CFAP74: variants seen among roughly 807,000 people sequenced by gnomAD.
CFAP74 encodes the protein cilia- and flagella-associated protein 74.
In CFAP74, 124 loss-of-function variants were observed where a neutral mutation model predicts 188.9. The observed-to-expected ratio is 0.66, with a 90% CI of 0.57 to 0.76. CFAP74 has a LOEUF of 0.76. Among genes scored for constraint, CFAP74 ranks in the 30% least tolerant of loss-of-function variants. The probability of loss-of-function intolerance (pLI) is 0.00; values close to 1 mark genes in which losing one functional copy is unlikely to be tolerated. For synonymous variants in CFAP74, 956 were observed against 916.7 expected (o/e 1.04, Z -0.77); for missense variants, 2,198 against 2,165.2 (o/e 1.02, Z -0.30).
intron 6 of CFAP74, among the ~76,000 whole-genome samples, chr1:1,976,635 C>T (rs536435755): frequency 3.0e-4 from 45 of 152,320 alleles, no homozygotes; most frequent in African/African-American, 1.1e-3. Context: ...CTCCACCTCC[C>T]GGGTTCAAGC....
chr1:1,970,766 C>A lies in CFAP74; in HGVS notation c.939G>T (p.Ala313=). Residue 313 remains alanine, a synonymous_variant, in exon 10 of 39, where the codon GCG becomes GCT. Transcript: ENST00000682832. ...TCTTCTCAGCCTGGACCCTCTGCTC[C>A]GCCAGCTCTGCCTTGGCACGGTCCC... is the stretch of plus-strand genomic sequence containing the variant. ...QAWDRAKAEL[A]EQRVQAEKKA... is the part of the protein sequence containing the mutation. 9 of 1,614,186 alleles carry A rather than the reference C, an allele frequency of 5.6e-6. No homozygotes were observed. The highest frequency in any genetic ancestry group is 7.6e-6 in the Non-Finnish European group (9 of 1,180,016).
intron 18 of CFAP74, chr1:1,954,765 A>ACAGT (rs1558020844): frequency 9.3e-7 from 1 of 1,077,414 alleles, no homozygotes; most frequent in Non-Finnish European, 1.1e-6. Context: ...CCTAGGCGAC[A>ACAGT]GAGACCCTGT....
chr1:1,945,214 G>A (rs915138867), intron 20 of CFAP74, among the ~76,000 whole-genome samples: 2 of 152,114 alleles, frequency 1.3e-5, no homozygotes, highest in Admixed American at 6.6e-5. Context: ...GGCTGAGGTG[G>A]GAGAATCGCT....
At chr1:1,925,075 G>GAGGCATGAGGGCACACACTGGTGCGA (rs1187023273) in intron 33 of CFAP74, among the ~76,000 whole-genome samples, 1 of 142,886 alleles carries the variant, frequency 7.0e-6, no homozygotes, top group Non-Finnish European at 1.5e-5. Context: ...CACTGGTGCG[G>GAGGCATGAGGGCACACACTGGTGCGA]AGGCATGAGG....
intron 20 of CFAP74, among the ~76,000 whole-genome samples, chr1:1,945,478 C>A (rs1253535044): frequency 6.6e-6 from 1 of 152,134 alleles, no homozygotes; most frequent in Non-Finnish European, 1.5e-5. Flanking sequence ...GGACAGGCAA[C>A]CGCCCCAGCC....
Position 1,980,860 on chromosome 1 carries a change from G to A in CFAP74, c.500+4526C>T, listed in dbSNP as rs117730672. On this transcript the variant is annotated intron_variant, in intron 6 of 38. Coordinates refer to ENST00000682832, the MANE Select transcript of CFAP74 (RefSeq NM_001304360.2). ...TCAGAAACCGAGACCCTCAGAAACC[G>A]AGACCATCACGCCTGCTGCCTTAGG... is the stretch of plus-strand genomic sequence containing the variant. Among the ~76,000 whole-genome samples the A allele has an allele frequency of 2.2e-4, 34 of 152,328 alleles. No homozygotes were observed. In the East Asian group the frequency reaches 5.4e-3, roughly 24 times the overall value.
intron 14 of CFAP74, among the ~76,000 whole-genome samples, chr1:1,963,098 A>C (rs1053628042): frequency 1.3e-5 from 2 of 152,160 alleles, no homozygotes; most frequent in African/African-American, 4.8e-5. Context: ...CACTGAAAAC[A>C]CTGGCTAATT....
chr1:1,999,017 T>C (rs1322916899), intron 1 of CFAP74, among the ~76,000 whole-genome samples: 1 of 152,152 alleles, frequency 6.6e-6, no homozygotes, highest in Non-Finnish European at 1.5e-5. Context: ...AAAACCCCTA[T>C]CCAAATCCCA....
Position 1,926,377 on chromosome 1 carries a change from G to A in CFAP74, c.3829-30C>T, listed in dbSNP as rs1410929214. ...GGGTCCACGTCAAGGAGGGGATACAGGTGTCTGCAGGCTCTACCACGCCCT... is the reference window on the plus strand; with the variant it reads ...GGGTCCACGTCAAGGAGGGGATACAAGTGTCTGCAGGCTCTACCACGCCCT... On this transcript the variant is annotated intron_variant, in intron 31 of 38. Coordinates refer to ENST00000682832, the MANE Select transcript of CFAP74 (RefSeq NM_001304360.2). 51 of 1,549,982 alleles carry A rather than the reference G, an allele frequency of 3.3e-5. No individual in the cohort carries two copies. In the Middle Eastern group the frequency reaches 6.7e-4, roughly 20 times the overall value.
In CFAP74 at chr1:1,971,244, C is replaced by G. The variant is rs774128379; in HGVS notation, c.889-428G>C. ...ACGCGTGCACGCCTGCACACACATG[C>G]ACACACTCACGCATGCACACACATG... is the stretch of plus-strand genomic sequence containing the variant. On this transcript the variant is annotated intron_variant, in intron 9 of 38. Coordinates refer to ENST00000682832, the MANE Select transcript of CFAP74 (RefSeq NM_001304360.2). Among the ~76,000 whole-genome samples, 4 of 148,418 alleles carry G rather than the reference C, an allele frequency of 2.7e-5. No individual in the cohort carries two copies. The South Asian group carries it at 8.6e-4, about 32-fold the overall frequency.
At chr1:1,969,573 C>G (rs1020410404) in intron 10 of CFAP74, among the ~76,000 whole-genome samples, 3 of 152,240 alleles carry the variant, frequency 2.0e-5, no homozygotes, top group Admixed American at 2.0e-4. Flanking sequence ...TGGCGTGGGG[C>G]TGCCACTGAG....
At chr1:1,966,288 C>G in intron 12 of CFAP74, 83 bp downstream of exon 12, 2 of 1,304,162 alleles carry the variant, frequency 1.5e-6, no homozygotes, top group Non-Finnish European at 2.0e-6. Flanking sequence ...GCTGGTGTGG[C>G]CGGGGCAGGC....
intron 25 of CFAP74, among the ~76,000 whole-genome samples, chr1:1,935,137 G>C (rs1159058881): frequency 1.1e-5 from 1 of 89,226 alleles, no homozygotes; most frequent in South Asian, 5.0e-4. Flanking sequence ...ACACACGTGT[G>C]TACGTGGGTG....
At chr1:1,986,838 G>T in intron 5 of CFAP74, 99 bp downstream of exon 5, 1 of 1,003,352 alleles carries the variant, frequency 1.0e-6, no homozygotes, top group Non-Finnish European at 1.5e-6. Context: ...TCATTGGCCT[G>T]AACACAGCAG....
At chr1:1,926,813 C>G (rs1477127896) in intron 29 of CFAP74, 52 bp from the exon 30 acceptor site, 4 of 1,548,608 alleles carry the variant, frequency 2.6e-6, no homozygotes, top group Admixed American at 2.0e-5. Flanking sequence ...CCTGCCCGCC[C>G]AGGCCCCAGA....
intron 6 of CFAP74, among the ~76,000 whole-genome samples, chr1:1,979,726 T>C (rs117261971): frequency 6.1e-4 from 41 of 66,994 alleles, no homozygotes; most frequent in Admixed American, 7.2e-4. Flanking sequence ...CTGAGCTGGG[T>C]GTGGGAAGGC....
Position 1,946,304 on chromosome 1 carries a change from C to A in CFAP74, c.2364+13G>T. ...CCAGGGTGTGTGCGTGGCGTGGCAG[C>A]AGGAATACTCACCGTGGGGCACTGG... On this transcript the variant is annotated intron_variant, in intron 20 of 38. Coordinates refer to ENST00000682832, the MANE Select transcript of CFAP74 (RefSeq NM_001304360.2). 1 of 1,531,306 alleles carries A rather than the reference C, an allele frequency of 6.5e-7. No individual in the cohort carries two copies. Among genetic ancestry groups the A allele is most frequent in the Non-Finnish European group, 8.7e-7 (1 of 1,143,714 alleles). The allele number at this position is 1,531,306 out of a possible 1,614,324, so 94.9% of individuals were successfully genotyped here. A position where few individuals can be genotyped will look rare whatever the true frequency, so the allele number is the denominator to read the frequency against.
chr1:1,988,537 G>A lies in CFAP74; in HGVS notation c.271C>T (p.Gln91Ter), dbSNP rs1288575699. 1.5e-5 allele frequency: 24 copies of A among 1,612,922 alleles called. No homozygotes were observed. In the Admixed American group the frequency reaches 3.3e-4, roughly 22 times the overall value. The stretch of plus-strand genomic sequence containing the variant: ...CTCATCTTCTCAGTGAAAAGCTCTT[G>A]CTCCTCATGCATCTTATCCAGGGCG... ...LSALDKMHEEQELFTEKMRGE... is the reference protein window; with the variant it reads ...LSALDKMHEE The change falls in exon 4 of 39, where the codon CAA (glutamine) becomes TAA (stop). Residue 91 changes from glutamine to a stop codon, truncating the protein, a stop_gained. Coordinates refer to ENST00000682832, the MANE Select transcript of CFAP74 (RefSeq NM_001304360.2). LOFTEE classifies it high-confidence loss of function.
chr1:1,970,632 C>T (rs773212463), intron 10 of CFAP74, 27 bp downstream of exon 10: 16 of 1,583,056 alleles, frequency 1.0e-5, no homozygotes, highest in South Asian at 4.6e-5. Flanking sequence ...GGGTGCCTCC[C>T]GGTGGCACCT....
Sources: gnomAD v4.1 joint callset for allele counts (sites outside exome capture counted in the v4.1 genomes callset) on GRCh38, gnomAD v4.1.1 for gene constraint, MANE v1.5 for transcripts, NCBI Gene and HGNC (gene_info 2026-07-23, HGNC 2026-07-21) for gene names.